The following SLC13A4 variants were observed in gnomAD, a reference collection of about 807,000 sequenced individuals.
The protein encoded by SLC13A4 is solute carrier family 13 member 4, also known as Na(+)/sulfate cotransporter SUT-1.
A neutral mutation model predicts 72.7 loss-of-function variants in SLC13A4; 28 were observed. The observed-to-expected ratio is 0.39, with a 90% CI of 0.29 to 0.53. The LOEUF (loss-of-function observed/expected upper bound fraction) is 0.53, where lower values mean the gene tolerates loss of function less well. Among genes scored for constraint, SLC13A4 ranks in the 20% least tolerant of loss-of-function variants. SLC13A4 has a pLI of 0.78. For missense variants in SLC13A4, 653 were observed against 788.0 expected (o/e 0.83, Z 2.05); for synonymous variants, 312 against 325.5 (o/e 0.96, Z 0.45).
intron 3 of SLC13A4, among the ~76,000 whole-genome samples, chr7:135,707,036 T>A (rs1479488614): frequency 6.6e-5 from 10 of 152,316 alleles, no homozygotes; most frequent in Non-Finnish European, 1.5e-4. Flanking sequence ...TTATTTTAGG[T>A]GGAATCACTG....
intron 8 of SLC13A4, among the ~76,000 whole-genome samples, chr7:135,698,757 C>T (rs923030330): frequency 2.0e-5 from 3 of 151,736 alleles, no homozygotes; most frequent in Non-Finnish European, 4.4e-5. Flanking sequence ...ACCTCAGCCT[C>T]CTGAGTAGCT....
chr7:135,708,915 C>T (rs1796231476), intron 2 of SLC13A4, among the ~76,000 whole-genome samples: 1 of 119,570 alleles, frequency 8.4e-6, no homozygotes, highest in Non-Finnish European at 1.7e-5. Context: ...GAGTCTTGCT[C>T]AATTTTTTTT....
At chr7:135,714,046 C>T (rs1796362524) in intron 2 of SLC13A4, among the ~76,000 whole-genome samples, 1 of 152,252 alleles carries the variant, frequency 6.6e-6, no homozygotes, top group Non-Finnish European at 1.5e-5. Context: ...TCCACCTTCC[C>T]TGGGGGCAGG....
chr7:135,692,214 G>A, intron 11 of SLC13A4, 109 bp downstream of exon 11: 2 of 815,150 alleles, frequency 2.5e-6, no homozygotes, highest in South Asian at 1.5e-5. Context: ...TGGATTTCCT[G>A]GGGAATGAAA....
chr7:135,703,071 G>T, intron 5 of SLC13A4, 187 bp from the exon 6 acceptor site: 3 of 588,502 alleles, frequency 5.1e-6, no homozygotes, highest in Non-Finnish European at 9.1e-6. Context: ...GATTAGTGGG[G>T]CCAGGGGCCT....
intron 2 of SLC13A4, among the ~76,000 whole-genome samples, chr7:135,713,271 T>C (rs1796344620): frequency 6.6e-6 from 1 of 152,220 alleles, no homozygotes; most frequent in Non-Finnish European, 1.5e-5. Context: ...TTTTCTGCTT[T>C]TCTGCTCTGT....
At chr7:135,705,550 T>G (rs1420689825) in intron 5 of SLC13A4, 46 bp downstream of exon 5, 5 of 1,585,980 alleles carry the variant, frequency 3.2e-6, no homozygotes, top group Non-Finnish European at 2.6e-6. Context: ...TGACCTCCCC[T>G]ATGGACTCTG....
Position 135,727,452 on chromosome 7 carries a change from C to T in SLC13A4, c.45G>A (p.Leu15=). 1.3e-6 allele frequency: 2 copies of T among 1,550,348 alleles called. No individual in the cohort carries two copies. The highest frequency in any genetic ancestry group is 1.7e-6 in the Non-Finnish European group (2 of 1,146,914). ...QGLLRVRKLL[L]VVCVPLLLLP... is the part of the protein sequence containing the mutation. ...GCAGCAGGAGCGGGACGCAGACGAC[C>T]AGCAGCAGCTTCCGGACTCGGAGCA... Residue 15 remains leucine (L), a synonymous_variant, in exon 1 of 16, where the codon CTG becomes CTA. Coordinates refer to ENST00000682651, the MANE Select transcript of SLC13A4 (RefSeq NM_001318192.2).
Position 135,694,006 on chromosome 7 carries a change from A to G in SLC13A4, c.1121+131T>C, listed in dbSNP as rs1275785932. On this transcript the variant is annotated intron_variant, in intron 10 of 15. Coordinates refer to ENST00000682651, the MANE Select transcript of SLC13A4 (RefSeq NM_001318192.2). ...GCTTTGGCACTAAATAGCATCTTCT[A>G]AAGGCCTGATTCAGAGTTGTGGAAA... The G allele has an allele frequency of 6.1e-6, 4 of 655,048 alleles. No homozygotes were observed. The African/African-American group carries it at 7.2e-5, about 12-fold the overall frequency. 40.6% of individuals were successfully genotyped at this position (655,048 alleles called of 1,614,324 possible).
rs75020105 is a variant in SLC13A4 at position 135,715,942 on chromosome 7, C to A, written c.228+5453G>T. 7.2e-3 allele frequency among the ~76,000 whole-genome samples: 1,098 copies of A among 152,318 alleles called. 11 individuals carry two copies. The highest frequency in any genetic ancestry group is 0.025 in the African/African-American group (1,047 of 41,552). On this transcript the variant is annotated intron_variant, in intron 2 of 15. Coordinates refer to ENST00000682651, the MANE Select transcript of SLC13A4 (RefSeq NM_001318192.2). ...CAAGATCATAGAGGGACCTTAGAGT[C>A]CAACCCATCTCCCAAGGCACAAAGT...
chr7:135,683,997 C>T, intron 15 of SLC13A4, 127 bp downstream of exon 15: 1 of 1,131,344 alleles, frequency 8.8e-7, no homozygotes. Context: ...TTCTTGCTAC[C>T]ACACTGGGTT....
chr7:135,702,621 C>A (rs2129494572), intron 6 of SLC13A4: 1 of 505,258 alleles, frequency 2.0e-6, no homozygotes, highest in East Asian at 3.6e-5. Flanking sequence ...AGTGGTCCTC[C>A]TGCTGTGGCC....
chr7:135,688,065 T>G (rs1584715990), intron 13 of SLC13A4, among the ~76,000 whole-genome samples: 3 of 151,732 alleles, frequency 2.0e-5, no homozygotes, highest in African/African-American at 7.3e-5. Context: ...AACCTCTGCC[T>G]CCCAGGTTCA....
chr7:135,681,730 C>T, intron 15 of SLC13A4, 30 bp from the exon 16 acceptor site: 2 of 1,604,716 alleles, frequency 1.2e-6, no homozygotes, highest in South Asian at 1.1e-5. Flanking sequence ...ACACCCTAGT[C>T]ACTCTGACCA....
rs1386397739 is a variant in SLC13A4, at chr7:135,691,555, C to G, written c.1314G>C (p.Lys438Asn). 1 of 1,612,024 alleles carries G rather than the reference C, an allele frequency of 6.2e-7. No homozygotes were observed. ...TTTCTTCCCTTCTCTCACCATCATT[C>G]TTTTTCCCAAAGCAGGGCTTCTTCG... Reference protein sequence around the residue: ...IPAKKPCFGKKNDGENQEHSL... With the variant: ...IPAKKPCFGKNNDGENQEHSL... The change falls in exon 12 of 16, where the codon AAG becomes AAC. Residue 438 changes from lysine (K) to asparagine (N), a missense_variant. By Grantham distance (94) the Lys-to-Asn change is moderately conservative. Coordinates refer to ENST00000682651, the MANE Select transcript of SLC13A4 (RefSeq NM_001318192.2).
At position 135,683,482 on chromosome 7, in the gene SLC13A4, C is replaced by A. The variant is rs530877547; in HGVS notation, c.1746+642G>T. The A allele has an allele frequency of 2.0e-4, 197 of 984,010 alleles. No individual in the cohort carries two copies. The African/African-American group carries it at 3.1e-3, about 15-fold the overall frequency. The allele number at this position is 984,010 out of a possible 1,614,324, so 61.0% of individuals were successfully genotyped here. Reference sequence around the variant, plus strand: ...CGTATCAGTGTTTTCCATCCTCTCCCCCCCCGCTCAGCCCTGGATACTAAG... The same window carrying A: ...CGTATCAGTGTTTTCCATCCTCTCCACCCCCGCTCAGCCCTGGATACTAAG... On this transcript the variant is annotated intron_variant, in intron 15 of 15. Coordinates refer to ENST00000682651, the MANE Select transcript of SLC13A4 (RefSeq NM_001318192.2).
chr7:135,694,147 C>T lies in SLC13A4; in HGVS notation c.1111G>A (p.Gly371Arg), dbSNP rs762375698. ...KRIQEEYEKLGDISYPEMVTG... is the reference protein window; with the variant it reads ...KRIQEEYEKLRDISYPEMVTG... Reference sequence around the variant, plus strand: ...ATGGCTGATTTTTACCTAATGTCTCCCAGTTTTTCATATTCTTCTTGGATC... The same window carrying T: ...ATGGCTGATTTTTACCTAATGTCTCTCAGTTTTTCATATTCTTCTTGGATC... The change falls in exon 10 of 16, where the codon GGA (glycine) becomes AGA (arginine). Residue 371 changes from glycine to arginine, a missense_variant. Physicochemically the swap from Gly to Arg is moderately radical, Grantham distance 125 (BLOSUM62 -2). Transcript: ENST00000682651. 1.4e-5 allele frequency: 23 copies of T among 1,603,704 alleles called. No homozygotes were observed. Among genetic ancestry groups the T allele is most frequent in the Non-Finnish European group, 2.0e-5 (23 of 1,170,762 alleles).
At position 135,721,415 on chromosome 7, in the gene SLC13A4, C is replaced by T. The variant is rs1197413306; in HGVS notation, c.208G>A (p.Gly70Arg). 7 of 1,613,880 alleles carry T rather than the reference C, an allele frequency of 4.3e-6. No individual in the cohort carries two copies. The highest frequency in any genetic ancestry group is 1.3e-5 in the African/African-American group (1 of 74,892). ...CTAACCTCATTGGACCGGAGGACTC[C>T]GAAGAACGGGTAAAGGAAGGCCGGC... ...LVPAFLYPFF[G>R]VLRSNEVAAE... The change falls in exon 2 of 16, where the codon GGA (glycine) becomes AGA (arginine). Residue 70 changes from glycine (G) to arginine (R), a missense_variant. By Grantham distance (125) the Gly-to-Arg change is moderately radical. Coordinates refer to ENST00000682651, the MANE Select transcript of SLC13A4 (RefSeq NM_001318192.2).
intron 8 of SLC13A4, among the ~76,000 whole-genome samples, chr7:135,695,767 C>T (rs1301390249): frequency 2.0e-5 from 3 of 152,092 alleles, no homozygotes; most frequent in Admixed American, 6.5e-5. Context: ...TGACTCAGGA[C>T]GTGTTTGCCC....
Sources: gnomAD v4.1 joint callset for allele counts (sites outside exome capture counted in the v4.1 genomes callset) on GRCh38, gnomAD v4.1.1 for gene constraint, MANE v1.5 for transcripts, NCBI Gene and HGNC (gene_info 2026-07-23, HGNC 2026-07-21) for gene names.